CSMD3: variants seen among roughly 807,000 people sequenced by gnomAD.
CSMD3 encodes the protein CUB and sushi domain-containing protein 3.
In CSMD3, 177 loss-of-function variants were observed where a neutral mutation model predicts 435.2. The ratio of observed to expected loss-of-function variants is 0.41; its 90% CI spans 0.36 to 0.46. CSMD3 has a LOEUF of 0.46. Among genes scored for constraint, CSMD3 ranks in the 20% least tolerant of loss-of-function variants. The pLI is 0.34. For missense variants in CSMD3, 4,265 were observed against 4,504.6 expected (o/e 0.95, Z 1.52); for synonymous variants, 1,656 against 1,520.5 (o/e 1.09, Z -2.07).
chr8:112,693,398 C>T (rs1347839100), intron 13 of CSMD3, among the ~76,000 whole-genome samples: 1 of 151,882 alleles, frequency 6.6e-6, no homozygotes, highest in Admixed American at 6.6e-5. Flanking sequence ...CTTTATTTTG[C>T]CTTCACTGTT....
intron 10 of CSMD3, among the ~76,000 whole-genome samples, chr8:112,900,506 G>A (rs1029842387): frequency 2.4e-4 from 36 of 151,344 alleles, no homozygotes; most frequent in African/African-American, 7.5e-4. Context: ...ATGTGATACT[G>A]TGGAAGTTGG....
chr8:113,381,181 A>G (rs955882198), intron 1 of CSMD3, among the ~76,000 whole-genome samples: 2 of 152,228 alleles, frequency 1.3e-5, no homozygotes, highest in Non-Finnish European at 2.9e-5. Context: ...AAGCTAAAGT[A>G]GTTTCCCAGG....
At chr8:112,489,102 T>C (rs1820428655) in intron 31 of CSMD3, among the ~76,000 whole-genome samples, 1 of 152,204 alleles carries the variant, frequency 6.6e-6, no homozygotes, top group South Asian at 2.1e-4. Flanking sequence ...ACACATACTT[T>C]AAATACTAAA....
chr8:113,107,265 G>A (rs532349246), intron 4 of CSMD3, among the ~76,000 whole-genome samples: 8 of 152,326 alleles, frequency 5.3e-5, no homozygotes, highest in East Asian at 1.9e-4. Context: ...TCATGCAAAC[G>A]GCATTACACA....
intron 12 of CSMD3, among the ~76,000 whole-genome samples, chr8:112,802,699 G>A (rs923713116): frequency 2.0e-5 from 3 of 151,578 alleles, no homozygotes; most frequent in East Asian, 1.9e-4. Flanking sequence ...GGATATGAAC[G>A]GTAGTTTTGA....
At chr8:113,167,075 C>T (rs186444311) in intron 4 of CSMD3, among the ~76,000 whole-genome samples, 1 of 152,026 alleles carries the variant, frequency 6.6e-6, no homozygotes, top group East Asian at 1.9e-4. Context: ...ATGAAGCAAA[C>T]CAAGGCTTTT....
chr8:112,669,609 T>A (rs943850892), intron 16 of CSMD3, among the ~76,000 whole-genome samples: 11 of 151,966 alleles, frequency 7.2e-5, no homozygotes, highest in Admixed American at 6.6e-4. Context: ...ACAAGAAAAA[T>A]TTGGAATATA....
At chr8:112,470,397 T>A (rs1015576714) in intron 32 of CSMD3, among the ~76,000 whole-genome samples, 1 of 152,146 alleles carries the variant, frequency 6.6e-6, no homozygotes, top group African/African-American at 2.4e-5. Flanking sequence ...TGACTTACTA[T>A]GTTATTACGC....
intron 9 of CSMD3, among the ~76,000 whole-genome samples, chr8:112,922,495 T>C (rs1222703639): frequency 6.6e-6 from 1 of 151,948 alleles, no homozygotes; most frequent in African/African-American, 2.4e-5. Flanking sequence ...CCATTAACCA[T>C]ACCCCTCTCC....
chr8:112,951,396 C>T (rs982128267), intron 8 of CSMD3, among the ~76,000 whole-genome samples: 1 of 151,700 alleles, frequency 6.6e-6, no homozygotes, highest in African/African-American at 2.4e-5. Context: ...ACATAATATA[C>T]CCTAAAGATA....
intron 32 of CSMD3, among the ~76,000 whole-genome samples, chr8:112,455,191 G>C (rs1296737240): frequency 6.6e-6 from 1 of 152,104 alleles, no homozygotes; most frequent in African/African-American, 2.4e-5. Flanking sequence ...AATAACTTAG[G>C]TGGTCATCAA....
At chr8:113,415,173 C>T (rs1736629576) in intron 1 of CSMD3, among the ~76,000 whole-genome samples, 2 of 152,052 alleles carry the variant, frequency 1.3e-5, no homozygotes, top group African/African-American at 4.8e-5. Flanking sequence ...ATTCTGGATG[C>T]AGGTAGGTAG....
intron 10 of CSMD3, among the ~76,000 whole-genome samples, chr8:112,876,814 A>T (rs1391037622): frequency 6.6e-6 from 1 of 152,184 alleles, no homozygotes; most frequent in East Asian, 1.9e-4. Context: ...GAGAAAGTCA[A>T]ATTGTCTCTG....
chr8:113,240,375 T>C (rs369214275), intron 3 of CSMD3, among the ~76,000 whole-genome samples: 4 of 152,278 alleles, frequency 2.6e-5, no homozygotes, highest in African/African-American at 7.2e-5. Context: ...ATATACCCAG[T>C]GATGAGATTG....
chr8:112,245,189 C>T (rs1814606471), intron 64 of CSMD3, among the ~76,000 whole-genome samples: 1 of 151,736 alleles, frequency 6.6e-6, no homozygotes, highest in Non-Finnish European at 1.5e-5. Flanking sequence ...TTTTGTTCAC[C>T]TAACTCTCTC....
At chr8:113,399,948 G>GTATATATA (rs34785769) in intron 1 of CSMD3, among the ~76,000 whole-genome samples, 23 of 148,926 alleles carry the variant, frequency 1.5e-4, no homozygotes, top group African/African-American at 4.9e-4. Context: ...TCTATTCTGT[G>GTATATATA]TATATATATA....
chr8:113,287,516 T>C (rs1215973282), intron 2 of CSMD3, among the ~76,000 whole-genome samples: 1 of 152,018 alleles, frequency 6.6e-6, no homozygotes, highest in Non-Finnish European at 1.5e-5. Flanking sequence ...GTGGCAACAT[T>C]TGAATAATTG....
chr8:113,322,109 C>T (rs1364982489), intron 1 of CSMD3, among the ~76,000 whole-genome samples: 1 of 152,070 alleles, frequency 6.6e-6, no homozygotes, highest in African/African-American at 2.4e-5. Context: ...ATATCCAAAA[C>T]TAACACTATT....
At chr8:113,134,998 A>G (rs1227980895) in intron 4 of CSMD3, among the ~76,000 whole-genome samples, 1 of 152,040 alleles carries the variant, frequency 6.6e-6, no homozygotes, top group East Asian at 1.9e-4. Flanking sequence ...TTACAATGAG[A>G]TCTAATCCAG....
Sources: allele counts gnomAD v4.1 joint callset (sites outside exome capture counted in the v4.1 genomes callset), GRCh38; gene constraint gnomAD v4.1.1; transcripts MANE v1.5; gene names NCBI Gene and HGNC (gene_info 2026-07-23, HGNC 2026-07-21).